The following CACNA1E variants were observed in gnomAD, a reference collection of about 807,000 sequenced individuals.
CACNA1E encodes the protein calcium voltage-gated channel subunit alpha1 E, also known as voltage-dependent R-type calcium channel subunit alpha-1E.
CACNA1E carries 40 observed loss-of-function variants against 259.2 expected under a neutral mutation model. The observed-to-expected ratio is 0.15, with a 90% CI of 0.12 to 0.20. CACNA1E has a LOEUF of 0.20. CACNA1E is among the 10% of genes least tolerant of loss of function. The pLI is 1.00. For synonymous variants in CACNA1E, 1,104 were observed against 1,138.5 expected, an observed-to-expected ratio of 0.97 and a Z score of 0.61; for missense variants, 1,874 against 3,040.1, an observed-to-expected ratio of 0.62 and a Z score of 9.02.
At chr1:181,666,254 AC>A (rs1648212095) in intron 7 of CACNA1E, among the ~76,000 whole-genome samples, 1 of 152,152 alleles carries the variant, frequency 6.6e-6, no homozygotes, top group Non-Finnish European at 1.5e-5. Flanking sequence ...CATTGCCTAA[AC>A]GATAGAATCA....
At chr1:181,548,042 G>A (rs1647684101) in intron 3 of CACNA1E, among the ~76,000 whole-genome samples, 1 of 152,032 alleles carries the variant, frequency 6.6e-6, no homozygotes, top group Admixed American at 6.6e-5. Flanking sequence ...TGTCAGCTTT[G>A]CCTTAATTTT....
intron 6 of CACNA1E, among the ~76,000 whole-genome samples, chr1:181,611,371 A>T (rs543369351): frequency 6.6e-6 from 1 of 150,758 alleles, no homozygotes; most frequent in South Asian, 2.1e-4. Context: ...AATTTCAGTT[A>T]CTTCCATTTT....
At position 181,356,993 on chromosome 1, in the gene CACNA1E, T is replaced by G. The variant is rs193019986; in HGVS notation, c.-15+38870T>G. Among the ~76,000 whole-genome samples, 4 of 152,258 alleles carry G rather than the reference T, an allele frequency of 2.6e-5. No homozygotes were observed. The East Asian group carries it at 7.7e-4, about 29-fold the overall frequency. ...GAAGTTGTGCTTGGGTAAACGACGG[T>G]TCATTTCTGATTATTTTACCACTAA... is the stretch of plus-strand genomic sequence containing the variant. On this transcript the variant is annotated intron_variant, in intron 1 of 11. Coordinates refer to the CACNA1E transcript ENST00000524607.
At chr1:181,323,763 G>A (rs936352536) in intron 1 of CACNA1E, among the ~76,000 whole-genome samples, 11 of 152,224 alleles carry the variant, frequency 7.2e-5, no homozygotes, top group Admixed American at 2.0e-4. Context: ...ATACAAAAAA[G>A]TTCCACCCTT....
chr1:181,343,453 C>G (rs941745535), intron 1 of CACNA1E, among the ~76,000 whole-genome samples: 15 of 151,758 alleles, frequency 9.9e-5, no homozygotes, highest in African/African-American at 3.1e-4. Context: ...CCCCTCCTTG[C>G]TCCCTCTCTT....
intron 7 of CACNA1E, among the ~76,000 whole-genome samples, chr1:181,701,202 ACT>A (rs1652216697): frequency 1.3e-5 from 2 of 152,194 alleles, no homozygotes; most frequent in South Asian, 4.2e-4. Context: ...CTGGTAATAA[ACT>A]CTCAATTTCT....
At chr1:181,780,683 G>A (rs959788722) in intron 38 of CACNA1E, among the ~76,000 whole-genome samples, 3 of 152,206 alleles carry the variant, frequency 2.0e-5, no homozygotes, top group African/African-American at 7.2e-5. Context: ...TGGCATGCAA[G>A]ATGCTCTTCC....
chr1:181,743,289 CT>C (rs1356587473), intron 25 of CACNA1E, among the ~76,000 whole-genome samples: 1 of 152,238 alleles, frequency 6.6e-6, no homozygotes, highest in Non-Finnish European at 1.5e-5. Flanking sequence ...TGAAACCTTC[CT>C]CTTTTATCTT....
intron 1 of CACNA1E, among the ~76,000 whole-genome samples, chr1:181,369,809 T>A (rs1271477696): frequency 1.3e-5 from 2 of 152,234 alleles, no homozygotes; most frequent in Non-Finnish European, 2.9e-5. Context: ...TAAAAAAATC[T>A]TTTATTTTAG....
chr1:181,454,504 T>C (rs1039381976), intron 2 of CACNA1E, among the ~76,000 whole-genome samples: 2 of 152,192 alleles, frequency 1.3e-5, no homozygotes, highest in African/African-American at 2.4e-5. Context: ...CTGTCTTGAC[T>C]CCCAATATAA....
chr1:181,593,283 C>G (rs1017997568), intron 6 of CACNA1E, among the ~76,000 whole-genome samples: 1 of 152,150 alleles, frequency 6.6e-6, no homozygotes, highest in Non-Finnish European at 1.5e-5. Context: ...CTGGTTGCTT[C>G]GGGAGCATGT....
At chr1:181,622,204 A>C (rs1281481316) in intron 6 of CACNA1E, among the ~76,000 whole-genome samples, 2 of 152,140 alleles carry the variant, frequency 1.3e-5, no homozygotes, top group Non-Finnish European at 2.9e-5. Flanking sequence ...CCAAGGCTAG[A>C]TCTTTCATTT....
intron 2 of CACNA1E, among the ~76,000 whole-genome samples, chr1:181,449,701 C>T (rs1239788556): frequency 6.6e-6 from 1 of 152,184 alleles, no homozygotes; most frequent in African/African-American, 2.4e-5. Context: ...GTTGCACTGC[C>T]AATGCCTATC....
intron 6 of CACNA1E, among the ~76,000 whole-genome samples, chr1:181,614,607 A>G (rs73057794): frequency 0.046 from 7,046 of 152,310 alleles, 309 homozygotes; most frequent in African/African-American, 0.11. Context: ...AAATATAGGC[A>G]GTAGTACAGT....
chr1:181,478,502 T>C (rs1362964918), intron 2 of CACNA1E, among the ~76,000 whole-genome samples: 4 of 152,188 alleles, frequency 2.6e-5, no homozygotes, highest in Non-Finnish European at 4.4e-5. Flanking sequence ...AAGAACCCAC[T>C]CCCAAATCCT....
Position 181,732,720 on chromosome 1 carries a change from G to T in CACNA1E, c.2634G>T (p.Gln878His). The change falls in exon 20 of 48, where the codon CAG becomes CAT. Residue 878 changes from glutamine to histidine, a missense_variant. Transcript: ENST00000367573. This position sits in a 1 kb window ranked among gnomAD's most constrained non-coding sequence, Gnocchi z 5.5. ...AGAGGACCCCTTTGTCCCTGGGCCA[G>T]CGGGAGCCACCATGGCTGGCCAGGC... The part of the protein sequence containing the change: ...DNQRTPLSLG[Q>H]REPPWLARPC... 1 of 1,545,366 alleles carries T rather than the reference G, an allele frequency of 6.5e-7. No homozygotes were observed. The highest frequency in any genetic ancestry group is 8.7e-7 in the Non-Finnish European group (1 of 1,146,928).
chr1:181,724,646 A>T (rs929116427), intron 17 of CACNA1E, 109 bp downstream of exon 17: 19 of 878,970 alleles, frequency 2.2e-5, no homozygotes, highest in Non-Finnish European at 3.0e-5. Context: ...GCCTGCCAGG[A>T]AGGCCCTTTC....
intron 2 of CACNA1E, among the ~76,000 whole-genome samples, chr1:181,426,304 A>G (rs1355206196): frequency 1.3e-5 from 2 of 151,406 alleles, no homozygotes; most frequent in South Asian, 2.1e-4. Context: ...AGCCCTTCCT[A>G]TGTCAACCCT....
chr1:181,383,436 G>A (rs1655610946), intron 1 of CACNA1E, among the ~76,000 whole-genome samples: 1 of 152,206 alleles, frequency 6.6e-6, no homozygotes, highest in Non-Finnish European at 1.5e-5. Flanking sequence ...AGGCAAGCGG[G>A]GGCAGAAAGG....
Sources: gnomAD v4.1 joint callset for allele counts (sites outside exome capture counted in the v4.1 genomes callset) on GRCh38, gnomAD v4.1.1 for gene constraint, Gnocchi (gnomAD v3.1) non-coding constraint, MANE v1.5 for transcripts, NCBI Gene and HGNC (gene_info 2026-07-23, HGNC 2026-07-21) for gene names.